Variants in CD163L1 observed in about 807,000 individuals in gnomAD.
CD163L1 encodes CD163 molecule like 1.
In CD163L1, 124 loss-of-function variants were observed where a neutral mutation model predicts 165.4. That is an observed-to-expected ratio of 0.75 (90% CI 0.65 to 0.87). The LOEUF is 0.87. Among genes scored for constraint, CD163L1 ranks in the 40% least tolerant of loss-of-function variants. The pLI, the probability that CD163L1 is intolerant of heterozygous loss-of-function variation, is 0.00. For missense variants in CD163L1, 1,525 were observed against 1,799.9 expected (o/e 0.85, Z 2.76); for synonymous variants, 585 against 662.2 (o/e 0.88, Z 1.79).
chr12:7,328,566 A>C, the CD163L1 span: 1 of 354,654 alleles, frequency 2.8e-6, no homozygotes, highest in Non-Finnish European at 5.2e-6. Flanking sequence ...TATGGATGAA[A>C]ATTGTTATAA....
rs949945135 is a variant in CD163L1, at chr12:7,372,907, T to C, written c.3730+413A>G. On this transcript the variant is annotated intron_variant, in intron 14 of 19. Coordinates refer to ENST00000313599, the MANE Select transcript of CD163L1 (RefSeq NM_174941.6). This position sits in a 1 kb window ranked among gnomAD's most constrained non-coding sequence, Gnocchi z 4.2. ...TTATAAATAATCAACTAACTTCCCA[T>C]AGTAAAATGTTCTGCAGGAAAAAAT... 7.9e-5 allele frequency among the ~76,000 whole-genome samples: 12 copies of C among 152,140 alleles called. No homozygotes were observed. The highest frequency in any genetic ancestry group is 2.7e-4 in the African/African-American group (11 of 41,448).
At chr12:7,406,953 G>A (rs1377023760) in intron 4 of CD163L1, 101 bp from the exon 5 acceptor site, 2 of 1,039,494 alleles carry the variant, frequency 1.9e-6, no homozygotes, top group Non-Finnish European at 2.9e-6. Flanking sequence ...ATAATAAATT[G>A]AGATTCAATG....
chr12:7,372,492 T>C lies in CD163L1; in HGVS notation c.3730+828A>G, dbSNP rs979007729. Among the ~76,000 whole-genome samples, 35 of 152,036 alleles carry C rather than the reference T, an allele frequency of 2.3e-4. No individual in the cohort carries two copies. The highest frequency in any genetic ancestry group is 8.2e-4 in the African/African-American group (34 of 41,444). On this transcript the variant is annotated intron_variant, in intron 14 of 19. Coordinates refer to ENST00000313599, the MANE Select transcript of CD163L1 (RefSeq NM_174941.6). This position sits in a 1 kb window ranked among gnomAD's most constrained non-coding sequence, Gnocchi z 4.2. Reference sequence around the variant, plus strand: ...CTTAATACCAATAATCACATGGTTATTTATGTTCACATGATAAAATATTGT... The same window carrying C: ...CTTAATACCAATAATCACATGGTTACTTATGTTCACATGATAAAATATTGT...
At chr12:7,443,354 A>G (rs373075833) in intron 1 of CD163L1, among the ~76,000 whole-genome samples, 1 of 152,242 alleles carries the variant, frequency 6.6e-6, no homozygotes, top group African/African-American at 2.4e-5. Context: ...TTTAGGAGTT[A>G]TAAGTCCCAA....
rs140245413 is a variant in CD163L1 at position 7,403,638 on chromosome 12, G to A, written c.1305C>T (p.Ser435=). ...SNEARDIWIN[S]ISCTGNESAL... ...CTGACTCATTCCCAGTGCAAGATAT[G>A]CTGTTTATCCAAATGTCTCTAGCTT... The change falls in exon 6 of 20, where the codon AGC becomes AGT. Residue 435 remains serine (S), a synonymous_variant. Coordinates refer to ENST00000313599, the MANE Select transcript of CD163L1 (RefSeq NM_174941.6). 30 of 1,613,886 alleles carry A rather than the reference G, an allele frequency of 1.9e-5. No homozygotes were observed. The African/African-American group carries it at 3.9e-4, about 21-fold the overall frequency.
chr12:7,320,382 G>A, the CD163L1 span, among the ~76,000 whole-genome samples: 11 of 152,214 alleles, frequency 7.2e-5, no homozygotes, highest in African/African-American at 2.2e-4. Context: ...TATATTGGCA[G>A]GAGGTTACAA....
the CD163L1 span, among the ~76,000 whole-genome samples, chr12:7,332,627 T>C: frequency 1.3e-5 from 2 of 152,192 alleles, no homozygotes; most frequent in African/African-American, 4.8e-5. Context: ...GGGGCCAATA[T>C]TCAACATTCT....
chr12:7,440,090 G>A (rs765962655), intron 2 of CD163L1: 14 of 945,270 alleles, frequency 1.5e-5, no homozygotes, highest in African/African-American at 1.1e-4. Flanking sequence ...GCGGCGTAAC[G>A]GAAGCCGACC....
At chr12:7,365,443 C>T (rs998745275) in intron 18 of CD163L1, among the ~76,000 whole-genome samples, 2 of 151,838 alleles carry the variant, frequency 1.3e-5, no homozygotes, top group African/African-American at 4.8e-5. Flanking sequence ...AAATCTTCTG[C>T]CAGCAAAGGA....
Position 7,433,389 on chromosome 12 carries a change from C to G in CD163L1, c.430G>C (p.Gly144Arg). 1.3e-6 allele frequency: 2 copies of G among 1,593,016 alleles called. No homozygotes were observed. The highest frequency in any genetic ancestry group is 1.3e-5 in the African/African-American group (1 of 74,856). The change falls in exon 3 of 20, where the codon GGT (glycine) becomes CGT (arginine). Residue 144 changes from glycine to arginine, a missense_variant. Gly to Arg is a moderately radical substitution (Grantham distance 125, BLOSUM62 -2). Transcript: ENST00000313599. ...AGACTCTTACCATAACAGTTCACAC[C>G]AACATCTTCTCCATGATAACAGTTA... Reference protein sequence around the residue: ...SHNCYHGEDVGVNCYGEANLG... With the variant: ...SHNCYHGEDVRVNCYGEANLG...
chr12:7,421,486 T>TATATACATATATATATAC, intron 4 of CD163L1, among the ~76,000 whole-genome samples: 1 of 105,004 alleles, frequency 9.5e-6, no homozygotes, highest in East Asian at 3.4e-4. Context: ...TATATGTACA[T>TATATACATATATATATAC]ATATACATAT....
At chr12:7,425,635 G>GA (rs974309611) in intron 4 of CD163L1, among the ~76,000 whole-genome samples, 4 of 151,338 alleles carry the variant, frequency 2.6e-5, no homozygotes, top group African/African-American at 7.3e-5. Flanking sequence ...AAGTTTACAA[G>GA]AAAAAAAACA....
intron 8 of CD163L1, among the ~76,000 whole-genome samples, chr12:7,386,813 A>G (rs1242859817): frequency 1.3e-5 from 2 of 152,158 alleles, no homozygotes; most frequent in African/African-American, 4.8e-5. Context: ...TAGGCATAGA[A>G]GGAACATACC....
In CD163L1 at chr12:7,386,262, A is replaced by G. The variant is rs150883931; in HGVS notation, c.2051-6964T>C. ...TACACATACGATCTGCCCAAGATTAATCAAGGAAGAAATAGGAATCCTGAA... is the reference window on the plus strand; with the variant it reads ...TACACATACGATCTGCCCAAGATTAGTCAAGGAAGAAATAGGAATCCTGAA... On this transcript the variant is annotated intron_variant, in intron 8 of 19. Coordinates refer to ENST00000313599, the MANE Select transcript of CD163L1 (RefSeq NM_174941.6). Among the ~76,000 whole-genome samples, 12 of 152,218 alleles carry G rather than the reference A, an allele frequency of 7.9e-5. No homozygotes were observed. The East Asian group carries it at 2.1e-3, about 27-fold the overall frequency.
At chr12:7,388,021 A>T (rs1300598420) in intron 8 of CD163L1, among the ~76,000 whole-genome samples, 1 of 152,198 alleles carries the variant, frequency 6.6e-6, no homozygotes. Context: ...AAGAACATAC[A>T]TTGAGAGAAG....
rs912303012 is a variant in CD163L1, at chr12:7,421,683, A to G, written c.766+10733T>C. ...CATATATACATATACGTGCATATGTACATATACATATATGTATGTGTACAT... is the reference window on the plus strand; with the variant it reads ...CATATATACATATACGTGCATATGTGCATATACATATATGTATGTGTACAT... On this transcript the variant is annotated intron_variant, in intron 4 of 19. Coordinates refer to ENST00000313599, the MANE Select transcript of CD163L1 (RefSeq NM_174941.6). Among the ~76,000 whole-genome samples, 37 of 143,294 alleles carry G rather than the reference A, an allele frequency of 2.6e-4. 1 individual carries two copies. The highest frequency in any genetic ancestry group is 7.0e-4 in the African/African-American group (27 of 38,818). 94.0% of individuals were successfully genotyped at this position (143,294 alleles called of 152,430 possible).
Position 7,412,910 on chromosome 12 carries a change from G to C in CD163L1, c.767-6058C>G, listed in dbSNP as rs762991580. Among the ~76,000 whole-genome samples the C allele has an allele frequency of 3.4e-3, 514 of 151,654 alleles. 1 individual carries two copies. The highest frequency in any genetic ancestry group is 0.012 in the African/African-American group (500 of 41,360). ...AGGAGTTCAAGATCAGCCTGGCCAA[G>C]ATGGTGAAACCCCGTCTCTACTAAA... On this transcript the variant is annotated intron_variant, in intron 4 of 19. Transcript: ENST00000313599.
chr12:7,343,032 G>A (rs1048799708), downstream of CD163L1, among the ~76,000 whole-genome samples: 1 of 151,974 alleles, frequency 6.6e-6, no homozygotes, highest in Non-Finnish European at 1.5e-5. Context: ...GTCATTATGG[G>A]TCAATAAGAC....
At chr12:7,324,690 C>G in the CD163L1 span, 1 of 1,357,312 alleles carries the variant, frequency 7.4e-7, no homozygotes, top group Middle Eastern at 1.8e-4. Context: ...AGAGGTCAAT[C>G]TATTAATTCT....
Sources: gnomAD v4.1 joint callset for allele counts (sites outside exome capture counted in the v4.1 genomes callset) on GRCh38, gnomAD v4.1.1 for gene constraint, Gnocchi (gnomAD v3.1) non-coding constraint, MANE v1.5 for transcripts, NCBI Gene and HGNC (gene_info 2026-07-23, HGNC 2026-07-21) for gene names.